The following TTC17 variants were observed in gnomAD, a reference collection of about 807,000 sequenced individuals.
TTC17 encodes tetratricopeptide repeat domain 17.
A neutral mutation model predicts 143.8 loss-of-function variants in TTC17; 58 were observed. That is an observed-to-expected ratio of 0.40 (90% CI 0.33 to 0.50). TTC17 has a LOEUF of 0.50. TTC17 is among the 20% of genes least tolerant of loss of function. The pLI, the probability that TTC17 is intolerant of heterozygous loss-of-function variation, is 0.49. For missense variants in TTC17, 1,273 were observed against 1,392.5 expected, an observed-to-expected ratio of 0.91 and a Z score of 1.37; for synonymous variants, 501 against 497.8, an observed-to-expected ratio of 1.01 and a Z score of -0.09.
chr11:43,488,032 C>A (rs1266933749), intron 21 of TTC17, among the ~76,000 whole-genome samples: 1 of 152,142 alleles, frequency 6.6e-6, no homozygotes, highest in Non-Finnish European at 1.5e-5. Flanking sequence ...GGGATTGGGA[C>A]TTAAAAATAT....
At chr11:43,388,588 C>T (rs992258982) in intron 2 of TTC17, among the ~76,000 whole-genome samples, 1 of 151,082 alleles carries the variant, frequency 6.6e-6, no homozygotes, top group Non-Finnish European at 1.5e-5. Context: ...CCGGTAGTCC[C>T]AACACTTTGG....
chr11:43,447,368 G>C (rs1489823681), intron 18 of TTC17, among the ~76,000 whole-genome samples: 1 of 152,120 alleles, frequency 6.6e-6, no homozygotes, highest in African/African-American at 2.4e-5. Context: ...GTGTGGTGGG[G>C]GCTGGGAGGA....
chr11:43,467,621 C>T (rs1369852405), intron 21 of TTC17, among the ~76,000 whole-genome samples: 1 of 152,162 alleles, frequency 6.6e-6, no homozygotes, highest in Non-Finnish European at 1.5e-5. Flanking sequence ...CACTACTGAA[C>T]TGTGTACTTA....
At chr11:43,491,740 A>C in intron 22 of TTC17, 1 of 381,328 alleles carries the variant, frequency 2.6e-6, no homozygotes, top group Non-Finnish European at 4.8e-6. Flanking sequence ...CACCAGAAGA[A>C]ACCAACTACA....
chr11:43,451,123 TATC>T, intron 20 of TTC17, 56 bp from the exon 21 acceptor site: 1 of 1,510,446 alleles, frequency 6.6e-7, no homozygotes. Context: ...GCATTAGCAG[TATC>T]ATCTAGATCC....
At chr11:43,363,803 ATT>A (rs149739349) in intron 1 of TTC17, among the ~76,000 whole-genome samples, 1 of 152,124 alleles carries the variant, frequency 6.6e-6, no homozygotes, top group East Asian at 1.9e-4. Context: ...TACTCAGTAG[ATT>A]TTTTTTCCTC....
Position 43,359,083 on chromosome 11 carries a change from C to A in TTC17, c.129C>A (p.Val43=), listed in dbSNP as rs563785593. The A allele has an allele frequency of 1.3e-6, 2 of 1,588,982 alleles. No individual in the cohort carries two copies. Among genetic ancestry groups the A allele is most frequent in the Admixed American group, 3.5e-5 (2 of 57,280 alleles). The change falls in exon 1 of 24, where the codon GTC becomes GTA. Residue 43 remains valine (V), a synonymous_variant. Transcript: ENST00000039989. The part of the protein sequence containing the change: ...ARGAFATTHW[V]VTEDGKIQQQ... The stretch of plus-strand genomic sequence containing the variant: ...GGGCCTTCGCCACCACGCACTGGGT[C>A]GTCACGGAGGACGGGAAAATCCAGC...
rs764162972 is a variant in TTC17 at position 43,493,934 on chromosome 11, C to T, written c.*30C>T. ...CTTCTTCCTTCTCTCTTTCTCTTTA[C>T]TCATGCTCTAAAAAAAAAGAATAAG... On this transcript the variant is annotated 3_prime_UTR_variant, in exon 24 of 24. Transcript: ENST00000039989. 1.4e-5 allele frequency: 22 copies of T among 1,535,420 alleles called. No individual in the cohort carries two copies. Among genetic ancestry groups the T allele is most frequent in the African/African-American group, 9.8e-5 (7 of 71,702 alleles).
At chr11:43,488,516 CAG>C (rs1948417799) in intron 21 of TTC17, among the ~76,000 whole-genome samples, 1 of 150,806 alleles carries the variant, frequency 6.6e-6, no homozygotes, top group Non-Finnish European at 1.5e-5. Flanking sequence ...GGTAGTATCT[CAG>C]TGGGGAGAGA....
chr11:43,407,408 T>C lies in TTC17; in HGVS notation c.1895T>C (p.Val632Ala), dbSNP rs768139738. 6.2e-7 allele frequency: 1 copy of C among 1,614,016 alleles called. No individual in the cohort carries two copies. The highest frequency in any genetic ancestry group is 1.1e-5 in the South Asian group (1 of 91,076). The part of the protein sequence containing the change: ...LNEAGLYWRA[V>A]GNSTFAIACL... ...GAAGCTGGACTATACTGGAGAGCAG[T>C]AGGAAATAGCACTTTTGCTATTGCC... Residue 632 changes from valine (V) to alanine (A), a missense_variant, in exon 15 of 24, where the codon GTA (valine) becomes GCA (alanine). Around this residue, in one of 3 missense-constraint regions of TTC17, gnomAD observed 878 missense variants for 899.8 expected, o/e 0.98. Coordinates refer to ENST00000039989, the MANE Select transcript of TTC17 (RefSeq NM_018259.6).
intron 21 of TTC17, 95 bp from the exon 22 acceptor site, chr11:43,490,144 T>A (rs1948448461): frequency 1.3e-6 from 2 of 1,498,314 alleles, no homozygotes; most frequent in Non-Finnish European, 1.8e-6. Context: ...AAATACTCAG[T>A]TGAATGGTCA....
chr11:43,402,685 G>GT (rs1857921583), intron 10 of TTC17, among the ~76,000 whole-genome samples: 1 of 152,086 alleles, frequency 6.6e-6, no homozygotes. Flanking sequence ...TGCTTAACAG[G>GT]TAAGTGTAAT....
intron 21 of TTC17, among the ~76,000 whole-genome samples, chr11:43,485,870 C>T (rs1948369535): frequency 6.8e-6 from 1 of 146,256 alleles, no homozygotes; most frequent in South Asian, 2.2e-4. Flanking sequence ...ATTTGGCAAT[C>T]TCTTGGTTTT....
chr11:43,489,520 C>G (rs985789992), intron 21 of TTC17, among the ~76,000 whole-genome samples: 1 of 151,992 alleles, frequency 6.6e-6, no homozygotes, highest in Non-Finnish European at 1.5e-5. Flanking sequence ...TGCAGATCAC[C>G]TGAGGTCATG....
chr11:43,455,437 A>G (rs1425870119), intron 21 of TTC17, among the ~76,000 whole-genome samples: 2 of 152,090 alleles, frequency 1.3e-5, no homozygotes, highest in Non-Finnish European at 2.9e-5. Context: ...TGAGGTATAT[A>G]TCAATAAAAT....
chr11:43,398,506 T>C (rs1164780860), intron 8 of TTC17, among the ~76,000 whole-genome samples: 2 of 152,198 alleles, frequency 1.3e-5, no homozygotes, highest in African/African-American at 4.8e-5. Flanking sequence ...ACATGTGCAA[T>C]AGTTGATATT....
chr11:43,362,149 TTGTGTGTGTGTGTG>T (rs3978779), intron 1 of TTC17, among the ~76,000 whole-genome samples: 5,183 of 138,128 alleles, frequency 0.038, 129 homozygotes, highest in South Asian at 0.095. Context: ...CCCGGCTAAT[TTGTGTGTGTGTGTG>T]TGTGTGTGTG....
rs749203386 is a variant in TTC17 at position 43,358,972 on chromosome 11, G to A, written c.18G>A (p.Gly6=). The change falls in exon 1 of 24, where the codon GGG becomes GGA. Residue 6 remains glycine, a synonymous_variant. Coordinates refer to ENST00000039989, the MANE Select transcript of TTC17 (RefSeq NM_018259.6). MAAAV[G]VRGRYELPPC... ...GGGGCAAGATGGCGGCGGCAGTAGGGGTTCGTGGCCGGTACGAGCTGCCGC... is the reference window on the plus strand; with the variant it reads ...GGGGCAAGATGGCGGCGGCAGTAGGAGTTCGTGGCCGGTACGAGCTGCCGC... The A allele has an allele frequency of 2.7e-5, 43 of 1,579,764 alleles. No homozygotes were observed. Among genetic ancestry groups the A allele is most frequent in the Middle Eastern group, 3.4e-4 (2 of 5,954 alleles).
At chr11:43,360,406 T>A (rs1337364938) in intron 1 of TTC17, among the ~76,000 whole-genome samples, 1 of 152,236 alleles carries the variant, frequency 6.6e-6, no homozygotes, top group Non-Finnish European at 1.5e-5. Context: ...GAAAACACTG[T>A]AAGACCATAT....
Sources: allele counts gnomAD v4.1 joint callset (sites outside exome capture counted in the v4.1 genomes callset), GRCh38; gene constraint gnomAD v4.1.1; regional missense constraint gnomAD v4.1.1; transcripts MANE v1.5; gene names NCBI Gene and HGNC (gene_info 2026-07-23, HGNC 2026-07-21).